DYNC2H1: variants seen among roughly 807,000 people sequenced by gnomAD.
DYNC2H1 encodes cytoplasmic dynein 2 heavy chain 1.
DYNC2H1 carries 410 observed loss-of-function variants against 570.0 expected under a neutral mutation model. The ratio of observed to expected loss-of-function variants is 0.72; its 90% CI spans 0.66 to 0.78. The LOEUF (loss-of-function observed/expected upper bound fraction) is 0.78. Among genes scored for constraint, DYNC2H1 ranks in the 30% least tolerant of loss-of-function variants. The pLI is 0.00. For missense variants in DYNC2H1, 4,865 were observed against 5,046.4 expected, an observed-to-expected ratio of 0.96 and a Z score of 1.09; for synonymous variants, 1,688 against 1,677.6, an observed-to-expected ratio of 1.01 and a Z score of -0.15.
intron 18 of DYNC2H1, 26 bp downstream of exon 18, chr11:103,143,421 C>A: frequency 3.2e-6 from 5 of 1,564,886 alleles, no homozygotes; most frequent in Non-Finnish European, 4.3e-6. Context: ...GTAGTACTTA[C>A]GTACCATAAT....
Position 103,335,951 on chromosome 11 carries a change from C to G in DYNC2H1, c.12039+11961C>G, listed in dbSNP as rs1939101460. Among the ~76,000 whole-genome samples the G allele has an allele frequency of 2.0e-5, 3 of 152,206 alleles. No individual in the cohort carries two copies. In the South Asian group the frequency reaches 6.2e-4, roughly 32 times the overall value. On this transcript the variant is annotated intron_variant, in intron 82 of 88. Coordinates refer to ENST00000375735, the MANE Select transcript of DYNC2H1 (RefSeq NM_001377.3). ...ATCACATCTTTAGAAAGTTACTAAA[C>G]TAGAACTTAAATGTGTTACTGAATA...
chr11:103,142,206 C>T (rs1389546170), intron 17 of DYNC2H1, among the ~76,000 whole-genome samples: 2 of 152,260 alleles, frequency 1.3e-5, no homozygotes, highest in East Asian at 3.8e-4. Context: ...GCACGATGCG[C>T]TGCACCCACT....
At position 103,215,756 on chromosome 11, in the gene DYNC2H1, T is replaced by C. The variant is rs1189549279; in HGVS notation, c.8730T>C (p.Leu2910=). The C allele has an allele frequency of 1.2e-6, 2 of 1,611,226 alleles. No homozygotes were observed. The highest frequency in any genetic ancestry group is 2.7e-5 in the African/African-American group (2 of 74,864). The change falls in exon 55 of 89, where the codon CTT becomes CTC. Residue 2910 remains leucine, a synonymous_variant. Transcript: ENST00000375735. ...CTAAACTAAATGAAGCTAAAGCTCT[T>C]GTGGATGAACTGAACAGAAAAGCTG... The part of the protein sequence containing the change: ...GVSKLNEAKA[L]VDELNRKAGE...
intron 29 of DYNC2H1, among the ~76,000 whole-genome samples, chr11:103,161,496 C>G (rs538524221): frequency 6.6e-6 from 1 of 152,166 alleles, no homozygotes; most frequent in Admixed American, 6.5e-5. Flanking sequence ...ATGTGAAAAT[C>G]CAAAATGCTC....
intron 65 of DYNC2H1, among the ~76,000 whole-genome samples, chr11:103,247,706 G>A (rs1864670447): frequency 6.6e-6 from 1 of 152,010 alleles, no homozygotes; most frequent in African/African-American, 2.4e-5. Flanking sequence ...ATGAGTCTCT[G>A]GACAGGTATA....
Position 103,152,265 on chromosome 11 carries a change from C to T in DYNC2H1, c.3076C>T (p.Gln1026Ter), listed in dbSNP as rs765224364. ...DKFELMMESH[Q>*]LMIKDQIEVM... ...ATTTGAGTTAATGATGGAAAGTCAC[C>T]AACTTATGATTAAAGACCAGGTTAG... The change falls in exon 21 of 89, where the codon CAA (glutamine) becomes TAA (stop). Residue 1026 changes from glutamine (Q) to a stop codon, truncating the protein, a stop_gained. Coordinates refer to ENST00000375735, the MANE Select transcript of DYNC2H1 (RefSeq NM_001377.3). LOFTEE classifies it high-confidence loss of function. 1.2e-6 allele frequency: 2 copies of T among 1,602,484 alleles called. No individual in the cohort carries two copies. The highest frequency in any genetic ancestry group is 2.3e-5 in the East Asian group (1 of 44,430).
intron 82 of DYNC2H1, among the ~76,000 whole-genome samples, chr11:103,355,918 C>A (rs1940314640): frequency 6.6e-6 from 1 of 152,034 alleles, no homozygotes; most frequent in Non-Finnish European, 1.5e-5. Flanking sequence ...ATATGTTGCC[C>A]AGGTTAGTCT....
chr11:103,156,002 A>G (rs1212989391), intron 25 of DYNC2H1, among the ~76,000 whole-genome samples: 1 of 152,210 alleles, frequency 6.6e-6, no homozygotes, highest in Admixed American at 6.5e-5. Context: ...AGAATCTACA[A>G]TAAGATTACA....
In DYNC2H1 at chr11:103,122,012, A is replaced by G. The variant is rs1301632708; in HGVS notation, c.1485+516A>G. ...GTCTTACCTGCAAGTATGTTTATGT[A>G]ACTAAATCACTTTAGGTTGGAAGGA... On this transcript the variant is annotated intron_variant, in intron 10 of 88. Transcript: ENST00000375735. Among the ~76,000 whole-genome samples, 10 of 152,294 alleles carry G rather than the reference A, an allele frequency of 6.6e-5. No individual in the cohort carries two copies. The East Asian group carries it at 1.5e-3, about 23-fold the overall frequency.
intron 82 of DYNC2H1, among the ~76,000 whole-genome samples, chr11:103,340,981 A>C (rs1448604075): frequency 6.6e-6 from 1 of 152,140 alleles, no homozygotes; most frequent in African/African-American, 2.4e-5. Flanking sequence ...GAATTTGGGC[A>C]TTAAGTATAT....
At position 103,275,111 on chromosome 11, in the gene DYNC2H1, TAAATA is replaced by T. The variant is rs1482537445; in HGVS notation, c.10696-5227_10696-5223del. 2.0e-5 allele frequency among the ~76,000 whole-genome samples: 3 copies of T among 152,044 alleles called. No homozygotes were observed. The highest frequency in any genetic ancestry group is 7.2e-5 in the African/African-American group (3 of 41,416). Reference sequence around the variant, plus strand: ...TCCGTCTCAAAAATAAATAAATAAATAAATAAAATAAAATTTATCTATGTAATATT... The same window carrying T: ...TCCGTCTCAAAAATAAATAAATAAATAAATAAAATTTATCTATGTAATATT... On this transcript the variant is annotated intron_variant, in intron 70 of 88. Transcript: ENST00000375735. This position sits in a 1 kb window ranked among gnomAD's most constrained non-coding sequence, Gnocchi z 4.8.
chr11:103,245,168 TTACTG>T lies in DYNC2H1; in HGVS notation c.9919-80_9919-76del. 1 of 1,188,968 alleles carries T rather than the reference TTACTG, an allele frequency of 8.4e-7. No homozygotes were observed. Among genetic ancestry groups the T allele is most frequent in the Non-Finnish European group, 1.2e-6 (1 of 865,460 alleles). The allele number at this position is 1,188,968 out of a possible 1,614,324, so 73.7% of individuals were successfully genotyped here. ...ATTGTGTTTCTATAACATTTTGAAATTACTGTAGAAAATCAAAGAAAGGATGTTTG... is the reference window on the plus strand; with the variant it reads ...ATTGTGTTTCTATAACATTTTGAAATTAGAAAATCAAAGAAAGGATGTTTG... On this transcript the variant is annotated intron_variant, in intron 64 of 88. Coordinates refer to ENST00000375735, the MANE Select transcript of DYNC2H1 (RefSeq NM_001377.3). This position sits in a 1 kb window ranked among gnomAD's most constrained non-coding sequence, Gnocchi z 4.5.
At chr11:103,410,603 T>C (rs771177113) in intron 84 of DYNC2H1, among the ~76,000 whole-genome samples, 2 of 152,126 alleles carry the variant, frequency 1.3e-5, no homozygotes, top group Non-Finnish European at 2.9e-5. Context: ...ATAACTATTA[T>C]AGTTTAGGGC....
intron 2 of DYNC2H1, 109 bp downstream of exon 2, chr11:103,113,816 A>T: frequency 1.1e-6 from 1 of 941,056 alleles, no homozygotes; most frequent in Non-Finnish European, 1.5e-6. Flanking sequence ...TTTTAATTTT[A>T]ATTAAAATAT....
In DYNC2H1 at chr11:103,155,342, T is replaced by C. The variant is rs989958694; in HGVS notation, c.3585T>C (p.Pro1195=). The C allele has an allele frequency of 1.2e-6, 2 of 1,602,188 alleles. No homozygotes were observed. The highest frequency in any genetic ancestry group is 1.7e-6 in the Non-Finnish European group (2 of 1,176,276). ...TTTTTTTGTAACAGATCGTAATTCC[T>C]ATCTTGAAATATGTGAGAGGGGAGC... ...SEVDKYKIVI[P]ILKYVRGEHL... is the part of the protein sequence containing the mutation. The change falls in exon 25 of 89, where the codon CCT becomes CCC. Residue 1195 remains proline (P), a synonymous_variant. Transcript: ENST00000375735.
chr11:103,232,558 C>A (rs1189103263), intron 60 of DYNC2H1, among the ~76,000 whole-genome samples: 3 of 151,960 alleles, frequency 2.0e-5, no homozygotes, highest in Admixed American at 1.3e-4. Flanking sequence ...CATGCTGTTA[C>A]TTATACTGAT....
Position 103,233,830 on chromosome 11 carries a change from ATGTG to A in DYNC2H1, c.9441-159_9441-156del, listed in dbSNP as rs745355739. 7.9e-3 allele frequency among the ~76,000 whole-genome samples: 599 copies of A among 75,856 alleles called. 6 individuals are homozygous for A. Among genetic ancestry groups the A allele is most frequent in the Middle Eastern group, 0.04 (7 of 174 alleles). The allele number at this position is 75,856 out of a possible 152,430, so 49.8% of individuals were successfully genotyped here. ...TTTGAGGTAGAGAATGCTACACTTT[ATGTG>A]TGTGTGTGTGTGTGTGTGTGTGTGT... On this transcript the variant is annotated intron_variant, in intron 60 of 88. Coordinates refer to ENST00000375735, the MANE Select transcript of DYNC2H1 (RefSeq NM_001377.3).
chr11:103,223,788 G>A (rs548941716), intron 59 of DYNC2H1, among the ~76,000 whole-genome samples: 9 of 144,190 alleles, frequency 6.2e-5, no homozygotes, highest in South Asian at 2.2e-4. Flanking sequence ...TTGCTCTGTC[G>A]CCAGGCTGGA....
At chr11:103,447,078 G>T (rs118061207) in intron 85 of DYNC2H1, among the ~76,000 whole-genome samples, 2,932 of 152,056 alleles carry the variant, frequency 0.019, 37 homozygotes, top group Admixed American at 0.028. Context: ...CAGGGAAATG[G>T]TAAATAAAAA....
Sources: allele counts gnomAD v4.1 joint callset (sites outside exome capture counted in the v4.1 genomes callset), GRCh38; gene constraint gnomAD v4.1.1; non-coding constraint Gnocchi (gnomAD v3.1); transcripts MANE v1.5; gene names NCBI Gene and HGNC (gene_info 2026-07-23, HGNC 2026-07-21).